Variants in NSL1 observed in about 807,000 individuals in gnomAD.
The protein encoded by NSL1 is kinetochore-associated protein NSL1 homolog.
Under a neutral mutation model 25.4 loss-of-function variants are expected in NSL1, and 11 were observed. The observed-to-expected ratio is 0.43, with a 90% CI of 0.27 to 0.72. The LOEUF (loss-of-function observed/expected upper bound fraction) is 0.72, where lower values mean the gene tolerates loss of function less well. NSL1 is among the 30% of genes least tolerant of loss of function. The pLI is 0.19. For synonymous variants in NSL1, 118 were observed against 120.6 expected (o/e 0.98, Z 0.14); for missense variants, 330 against 342.7 (o/e 0.96, Z 0.29).
intron 4 of NSL1, among the ~76,000 whole-genome samples, chr1:212,779,423 G>A (rs12759408): frequency 1.5e-5 from 2 of 134,930 alleles, no homozygotes; most frequent in Non-Finnish European, 3.3e-5. Context: ...CCGTCCGGGA[G>A]GTGAGGGGCG....
At chr1:212,739,761 A>T (rs1040908036) in intron 4 of NSL1, among the ~76,000 whole-genome samples, 160 bp from the exon 5 acceptor site, 5 of 152,216 alleles carry the variant, frequency 3.3e-5, no homozygotes, top group Non-Finnish European at 7.4e-5. Flanking sequence ...GACCATTATA[A>T]TAATAGAGTA....
intron 4 of NSL1, among the ~76,000 whole-genome samples, chr1:212,777,921 T>A (rs185863809): frequency 7.2e-5 from 11 of 152,320 alleles, no homozygotes; most frequent in African/African-American, 2.6e-4. Flanking sequence ...GTATGCAGAA[T>A]GAAATGGAAG....
chr1:212,762,444 G>T (rs1236567521), intron 4 of NSL1, among the ~76,000 whole-genome samples: 2 of 151,962 alleles, frequency 1.3e-5, no homozygotes, highest in African/African-American at 2.4e-5. Context: ...TACTTTCCAA[G>T]ATGACAGATA....
chr1:212,729,976 C>T lies in NSL1; in HGVS notation c.*8432G>A, dbSNP rs888088517. ...TTTTTTAAGAATGAAATGGGCCGGG[C>T]GTGGCGGCTCACTCCTGTAATCACA... On this transcript the variant is annotated 3_prime_UTR_variant, in exon 6 of 6. Coordinates refer to ENST00000366977, the MANE Select transcript of NSL1 (RefSeq NM_015471.4). The T allele has an allele frequency of 9.1e-6, 9 of 984,512 alleles. No homozygotes were observed. Among genetic ancestry groups the T allele is most frequent in the South Asian group, 4.7e-5 (1 of 21,158 alleles). 61.0% of individuals were successfully genotyped at this position (984,512 alleles called of 1,614,324 possible). A position where few individuals can be genotyped will look rare whatever the true frequency, so the allele number is the denominator to read the frequency against.
intron 4 of NSL1, among the ~76,000 whole-genome samples, chr1:212,779,236 GGT>G (rs543004891): frequency 0.019 from 2,706 of 139,206 alleles, 47 homozygotes; most frequent in Non-Finnish European, 0.031. Flanking sequence ...GGAGGTGGGG[GGT>G]GGGGTCAGCC....
chr1:212,774,566 C>G (rs1660269708), intron 4 of NSL1, among the ~76,000 whole-genome samples: 1 of 152,074 alleles, frequency 6.6e-6, no homozygotes, highest in Non-Finnish European at 1.5e-5. Flanking sequence ...ATACAGATGG[C>G]CAATAAGCAC....
At position 212,729,015 on chromosome 1, in the gene NSL1, G is replaced by A. The variant is rs1163350602; in HGVS notation, c.*9393C>T. ...AGGATTTCTAAAGAAGCAGTCATTT[G>A]TCAATCTGAAATTTTTTTTAAAGGA... On this transcript the variant is annotated 3_prime_UTR_variant, in exon 6 of 6. Transcript: ENST00000366977. 2 of 985,240 alleles carry A rather than the reference G, an allele frequency of 2.0e-6. No individual in the cohort carries two copies. Among genetic ancestry groups the A allele is most frequent in the Non-Finnish European group, 2.4e-6 (2 of 829,872 alleles). The allele number at this position is 985,240 out of a possible 1,614,324, so 61.0% of individuals were successfully genotyped here. A position where few individuals can be genotyped will look rare whatever the true frequency, so the allele number is the denominator to read the frequency against.
chr1:212,731,171 A>C lies in NSL1; in HGVS notation c.*7237T>G. ...CATAATATAATCTATTTGCAAAACA[A>C]ATGGTCAGAGGGGAGAAAAAAAAAA... On this transcript the variant is annotated 3_prime_UTR_variant, in exon 6 of 6. Coordinates refer to ENST00000366977, the MANE Select transcript of NSL1 (RefSeq NM_015471.4). 1.0e-6 allele frequency: 1 copy of C among 967,618 alleles called. No individual in the cohort carries two copies. The highest frequency in any genetic ancestry group is 1.2e-6 in the Non-Finnish European group (1 of 822,970). 59.9% of individuals were successfully genotyped at this position (967,618 alleles called of 1,614,324 possible). A position where few individuals can be genotyped will look rare whatever the true frequency, so the allele number is the denominator to read the frequency against.
intron 4 of NSL1, among the ~76,000 whole-genome samples, chr1:212,771,610 C>A (rs1268407934): frequency 9.9e-5 from 5 of 50,684 alleles, no homozygotes; most frequent in African/African-American, 2.2e-4. Flanking sequence ...AAAGACTCCA[C>A]CAAAAAAAAA....
Position 212,729,938 on chromosome 1 carries a change from C to T in NSL1, c.*8470G>A, listed in dbSNP as rs751974686. 8.1e-5 allele frequency: 80 copies of T among 984,322 alleles called. No individual in the cohort carries two copies. Among genetic ancestry groups the T allele is most frequent in the Admixed American group, 1.2e-4 (2 of 16,186 alleles). The allele number at this position is 984,322 out of a possible 1,614,324, so 61.0% of individuals were successfully genotyped here. ...CTGCCTTGTGGAGGAACTAAACCTC[C>T]GGAAGGATTTTTTTTTTTAAGAATG... On this transcript the variant is annotated 3_prime_UTR_variant, in exon 6 of 6. Coordinates refer to ENST00000366977, the MANE Select transcript of NSL1 (RefSeq NM_015471.4).
intron 4 of NSL1, among the ~76,000 whole-genome samples, chr1:212,778,412 T>G (rs1052550023): frequency 6.6e-6 from 1 of 151,818 alleles, no homozygotes; most frequent in Non-Finnish European, 1.5e-5. Context: ...CTCTCTCCTC[T>G]CTCTCCCCTC....
chr1:212,789,948 G>T (rs1006152344), intron 1 of NSL1, among the ~76,000 whole-genome samples: 2 of 152,114 alleles, frequency 1.3e-5, no homozygotes, highest in Non-Finnish European at 2.9e-5. Context: ...AGGGAATGAC[G>T]TAAGAGTCAC....
At position 212,736,027 on chromosome 1, in the gene NSL1, CCTT is replaced by C; in HGVS notation, c.*2378_*2380del. ...CTCTCTTCTTTGGGACTAGACTTAACCTTCTTGTGTTCTTCTTATTATTATTTT... is the reference window on the plus strand; with the variant it reads ...CTCTCTTCTTTGGGACTAGACTTAACCTTGTGTTCTTCTTATTATTATTTT... On this transcript the variant is annotated 3_prime_UTR_variant, in exon 6 of 6. Transcript: ENST00000366977. 1.0e-6 allele frequency: 1 copy of C among 985,350 alleles called. No individual in the cohort carries two copies. The highest frequency in any genetic ancestry group is 1.1e-4 in the East Asian group (1 of 8,820). 61.0% of individuals were successfully genotyped at this position (985,350 alleles called of 1,614,324 possible). A position where few individuals can be genotyped will look rare whatever the true frequency, so the allele number is the denominator to read the frequency against.
intron 2 of NSL1, among the ~76,000 whole-genome samples, chr1:212,786,560 C>A (rs1271157347): frequency 6.6e-6 from 1 of 152,198 alleles, no homozygotes; most frequent in South Asian, 2.1e-4. Flanking sequence ...GTAATCCCAA[C>A]ACTTTGGGAG....
At position 212,729,208 on chromosome 1, in the gene NSL1, T is replaced by C; in HGVS notation, c.*9200A>G. ...AAGTTTCCAAACCCATGAGTTTCAC[T>C]CTCAGGTTCCCTCTAGGAGCAGAAG... On this transcript the variant is annotated 3_prime_UTR_variant, in exon 6 of 6. Coordinates refer to ENST00000366977, the MANE Select transcript of NSL1 (RefSeq NM_015471.4). The C allele has an allele frequency of 2.0e-6, 2 of 985,446 alleles. No homozygotes were observed. Among genetic ancestry groups the C allele is most frequent in the Non-Finnish European group, 2.4e-6 (2 of 829,936 alleles). The allele number at this position is 985,446 out of a possible 1,614,324, so 61.0% of individuals were successfully genotyped here.
chr1:212,774,073 G>C (rs563187518), intron 4 of NSL1, among the ~76,000 whole-genome samples: 1 of 152,216 alleles, frequency 6.6e-6, no homozygotes, highest in South Asian at 2.1e-4. Context: ...AGGGAGTATG[G>C]AGAGGATGCA....
chr1:212,746,733 C>A (rs948938785), intron 4 of NSL1, among the ~76,000 whole-genome samples: 3 of 152,206 alleles, frequency 2.0e-5, no homozygotes. Context: ...AGTTGCACAA[C>A]TTTATGAATG....
chr1:212,764,880 GAA>G (rs141701718), intron 4 of NSL1, among the ~76,000 whole-genome samples: 2 of 101,378 alleles, frequency 2.0e-5, no homozygotes, highest in South Asian at 6.4e-4. Context: ...AAGAAAGAAA[GAA>G]AAAAAAAAGA....
At chr1:212,764,505 T>C (rs1659708558) in intron 4 of NSL1, among the ~76,000 whole-genome samples, 1 of 151,904 alleles carries the variant, frequency 6.6e-6, no homozygotes, top group South Asian at 2.1e-4. Flanking sequence ...TTTGAAAAGA[T>C]AAACAAAATT....
Sources: gnomAD v4.1 joint callset for allele counts (sites outside exome capture counted in the v4.1 genomes callset) on GRCh38, gnomAD v4.1.1 for gene constraint, MANE v1.5 for transcripts, NCBI Gene and HGNC (gene_info 2026-07-23, HGNC 2026-07-21) for gene names.